The following KDM1A variants were observed in gnomAD, a reference collection of about 807,000 sequenced individuals.
KDM1A encodes lysine-specific histone demethylase 1A.
KDM1A carries 49 observed loss-of-function variants against 109.4 expected under a neutral mutation model. That is an observed-to-expected ratio of 0.45 (90% CI 0.36 to 0.57). The LOEUF is 0.57. Ranked by LOEUF, KDM1A falls within the 20% of genes least tolerant of loss-of-function variation. The pLI is 0.00. For synonymous variants in KDM1A, 380 were observed against 415.4 expected (o/e 0.91, Z 1.04); for missense variants, 668 against 1,116.6 (o/e 0.60, Z 5.73).
chr1:23,058,803 G>T (rs534269395), intron 8 of KDM1A, among the ~76,000 whole-genome samples: 1 of 152,098 alleles, frequency 6.6e-6, no homozygotes, highest in Non-Finnish European at 1.5e-5. Flanking sequence ...AAAACAATAC[G>T]TATTATGATA....
At chr1:23,021,713 T>A (rs191525005) in intron 1 of KDM1A, among the ~76,000 whole-genome samples, 1 of 152,278 alleles carries the variant, frequency 6.6e-6, no homozygotes, top group East Asian at 1.9e-4. Flanking sequence ...TATAATAATA[T>A]TCACCATTTT....
At chr1:23,040,179 C>A (rs1569678722) in intron 2 of KDM1A, among the ~76,000 whole-genome samples, 1 of 152,236 alleles carries the variant, frequency 6.6e-6, no homozygotes, top group South Asian at 2.1e-4. Flanking sequence ...GAATGTGATT[C>A]CAAGAAACTA....
chr1:23,083,464 G>C lies in KDM1A; in HGVS notation c.*100G>C. The C allele has an allele frequency of 8.3e-7, 1 of 1,200,628 alleles. No individual in the cohort carries two copies. Among genetic ancestry groups the C allele is most frequent in the Non-Finnish European group, 1.1e-6 (1 of 884,162 alleles). 74.4% of individuals were successfully genotyped at this position (1,200,628 alleles called of 1,614,324 possible). A position where few individuals can be genotyped will look rare whatever the true frequency, so the allele number is the denominator to read the frequency against. On this transcript the variant is annotated 3_prime_UTR_variant, in exon 21 of 21. Transcript: ENST00000400181. ...GATCCCACTGAGAAAATCCACCCTG[G>C]CATCTGGGCTCCTGATCAGCTGATG...
intron 2 of KDM1A, among the ~76,000 whole-genome samples, chr1:23,033,751 G>A (rs1308809188): frequency 1.3e-5 from 2 of 152,188 alleles, no homozygotes; most frequent in Non-Finnish European, 2.9e-5. Context: ...AGCCAGAATG[G>A]TGGGAGCCAT....
At position 23,079,097 on chromosome 1, in the gene KDM1A, C is replaced by T. The variant is rs767582484; in HGVS notation, c.1975C>T (p.Pro659Ser). 1 of 1,614,180 alleles carries T rather than the reference C, an allele frequency of 6.2e-7. No homozygotes were observed. The highest frequency in any genetic ancestry group is 8.5e-7 in the Non-Finnish European group (1 of 1,180,008). ...CCTGGGTGTGCTGAAGCAGCAGCCA[C>T]CAGCCGTTCAGTTTGTGCCACCTCT... ...LPLGVLKQQP[P>S]AVQFVPPLPE... Residue 659 changes from proline to serine, a missense_variant, in exon 17 of 21, where the codon CCA (proline) becomes TCA (serine). Physicochemically the swap from Pro to Ser is moderately conservative, Grantham distance 74. This residue lies in a region of KDM1A where 162 missense variants were observed against 376.4 expected (regional missense o/e 0.43). Transcript: ENST00000400181. This position sits in a 1 kb window ranked among gnomAD's most constrained non-coding sequence, Gnocchi z 5.6.
rs1369104931 is a variant in KDM1A at position 23,075,057 on chromosome 1, T to G, written c.1734+1654T>G. Among the ~76,000 whole-genome samples, 3 of 152,238 alleles carry G rather than the reference T, an allele frequency of 2.0e-5. No individual in the cohort carries two copies. The East Asian group carries it at 5.8e-4, about 29-fold the overall frequency. On this transcript the variant is annotated intron_variant, in intron 15 of 20. Coordinates refer to ENST00000400181, the MANE Select transcript of KDM1A (RefSeq NM_001009999.3). ...GATTTTGATTAGGAGTGCATTAAAT[T>G]TCTAGGTCAATTTAGGGTGAATTGC...
At chr1:23,061,283 A>ATGAG (rs1011499002) in intron 9 of KDM1A, among the ~76,000 whole-genome samples, 8 of 152,274 alleles carry the variant, frequency 5.3e-5, no homozygotes, top group African/African-American at 1.9e-4. Context: ...CAAAACTCTC[A>ATGAG]GTGAAGAAAG....
chr1:23,069,335 G>A (rs1233137274), intron 12 of KDM1A, among the ~76,000 whole-genome samples, 184 bp downstream of exon 12: 2 of 152,108 alleles, frequency 1.3e-5, no homozygotes, highest in African/African-American at 2.4e-5. Flanking sequence ...CTTTCAGTGT[G>A]GCATTATTGA....
At chr1:23,043,978 G>A (rs1372693587) in intron 2 of KDM1A, among the ~76,000 whole-genome samples, 1 of 152,190 alleles carries the variant, frequency 6.6e-6, no homozygotes, top group Non-Finnish European at 1.5e-5. Flanking sequence ...TCCTTGCTTT[G>A]AAGAGAAGGA....
intron 9 of KDM1A, among the ~76,000 whole-genome samples, chr1:23,062,131 A>T (rs896472337): frequency 2.0e-5 from 3 of 152,258 alleles, no homozygotes; most frequent in Non-Finnish European, 4.4e-5. Flanking sequence ...GCCTAAGGTT[A>T]TCATAATCAG....
chr1:23,022,995 T>A (rs968268280), intron 1 of KDM1A, among the ~76,000 whole-genome samples: 51 of 152,330 alleles, frequency 3.3e-4, no homozygotes, highest in African/African-American at 1.2e-3. Context: ...GTTTGTCTTT[T>A]ACTGTAGCCA....
At chr1:23,040,573 G>A (rs891874259) in intron 2 of KDM1A, among the ~76,000 whole-genome samples, 1 of 151,660 alleles carries the variant, frequency 6.6e-6, no homozygotes, top group Non-Finnish European at 1.5e-5. Context: ...GAAGTGGGAG[G>A]CTAGGAGTTC....
chr1:23,056,041 A>G lies in KDM1A; in HGVS notation c.990+3A>G. On this transcript the variant is annotated splice_donor_region_variant and intron_variant, in intron 7 of 20. Transcript: ENST00000400181. Reference sequence around the variant, plus strand: ...ATGTCACACTTTTGGAAGCCAGGGTAAGAATTTCATTTTGAGTTTAGAGGC... The same window carrying G: ...ATGTCACACTTTTGGAAGCCAGGGTGAGAATTTCATTTTGAGTTTAGAGGC... 3 of 1,601,062 alleles carry G rather than the reference A, an allele frequency of 1.9e-6. No individual in the cohort carries two copies. Among genetic ancestry groups the G allele is most frequent in the Non-Finnish European group, 2.6e-6 (3 of 1,168,536 alleles).
At position 23,063,206 on chromosome 1, in the gene KDM1A, G is replaced by GGT. The variant is rs1491038991; in HGVS notation, c.1168-2854_1168-2853insGT. Among the ~76,000 whole-genome samples the GGT allele has an allele frequency of 3.9e-4, 25 of 64,440 alleles. 4 individuals carry two copies. Among genetic ancestry groups the GGT allele is most frequent in the Admixed American group, 1.3e-3 (9 of 6,674 alleles). 42.3% of individuals were successfully genotyped at this position (64,440 alleles called of 152,430 possible). ...ACAGTGCTGTAGCATTGGGGGGGGG[G>GGT]TGTGGTGTGGGGTGGGTGTGTGTGG... On this transcript the variant is annotated intron_variant, in intron 9 of 20. Transcript: ENST00000400181.
chr1:23,035,585 G>A (rs1319953851), intron 2 of KDM1A, among the ~76,000 whole-genome samples: 4 of 151,836 alleles, frequency 2.6e-5, no homozygotes, highest in African/African-American at 9.7e-5. Context: ...TAAATTTGGG[G>A]GCTTGTTCAC....
At chr1:23,068,871 A>C (rs1339421725) in intron 11 of KDM1A, among the ~76,000 whole-genome samples, 190 bp downstream of exon 11, 1 of 152,248 alleles carries the variant, frequency 6.6e-6, no homozygotes, top group Non-Finnish European at 1.5e-5. Flanking sequence ...CACTTCTAAA[A>C]TTCAGTGCTT....
Position 23,061,590 on chromosome 1 carries a change from A to T in KDM1A, c.1167+2423A>T, listed in dbSNP as rs546468387. Among the ~76,000 whole-genome samples the T allele has an allele frequency of 2.6e-5, 4 of 151,820 alleles. No individual in the cohort carries two copies. In the South Asian group the frequency reaches 8.3e-4, roughly 32 times the overall value. On this transcript the variant is annotated intron_variant, in intron 9 of 20. Coordinates refer to ENST00000400181, the MANE Select transcript of KDM1A (RefSeq NM_001009999.3). ...TTAATCAAACATAAGGCATGCTAAT[A>T]TTTCTGTACTGCTGTCTCCAGTAGT... is the stretch of plus-strand genomic sequence containing the variant.
rs1309027701 is a variant in KDM1A, at chr1:23,069,586, C to T, written c.1413+435C>T. On this transcript the variant is annotated intron_variant, in intron 12 of 20. Transcript: ENST00000400181. ...CCGCATTCAAAACTGTCCTGGGCCA[C>T]GAGTTGGACAAGCGTGGTTTAGCTA... Among the ~76,000 whole-genome samples the T allele has an allele frequency of 3.9e-5, 6 of 152,302 alleles. No homozygotes were observed. In the East Asian group the frequency reaches 7.7e-4, roughly 20 times the overall value.
At chr1:23,082,753 T>TA (rs1286572538) in intron 20 of KDM1A, 1 of 198,364 alleles carries the variant, frequency 5.0e-6, no homozygotes, top group Non-Finnish European at 1.0e-5. Flanking sequence ...TCTAGACCCT[T>TA]ATGCCAGACC....
Sources: allele counts gnomAD v4.1 joint callset (sites outside exome capture counted in the v4.1 genomes callset), GRCh38; gene constraint gnomAD v4.1.1; regional missense constraint gnomAD v4.1.1; non-coding constraint Gnocchi (gnomAD v3.1); transcripts MANE v1.5; gene names NCBI Gene and HGNC (gene_info 2026-07-23, HGNC 2026-07-21).